The following KHDRBS2 variants were observed in gnomAD, a reference collection of about 807,000 sequenced individuals.
KHDRBS2 encodes the protein KH domain-containing, RNA-binding, signal transduction-associated protein 2.
A neutral mutation model predicts 44.3 loss-of-function variants in KHDRBS2; 26 were observed. The ratio of observed to expected loss-of-function variants is 0.59; its 90% CI spans 0.43 to 0.81. The LOEUF is 0.81. KHDRBS2 is among the 40% of genes least tolerant of loss of function. The probability of loss-of-function intolerance (pLI) is 0.00; values close to 1 mark genes in which losing one functional copy is unlikely to be tolerated. For synonymous variants in KHDRBS2, 194 were observed against 151.1 expected (o/e 1.28, Z -2.08); for missense variants, 476 against 433.1 (o/e 1.10, Z -0.88).
chr6:62,259,254 A>G (rs905495501), intron 1 of KHDRBS2, among the ~76,000 whole-genome samples: 2 of 151,234 alleles, frequency 1.3e-5, no homozygotes, highest in Non-Finnish European at 2.9e-5. Flanking sequence ...AACTTTAGGT[A>G]TATACATTCC....
chr6:62,232,315 A>G (rs1244252097), intron 1 of KHDRBS2, among the ~76,000 whole-genome samples: 1 of 152,176 alleles, frequency 6.6e-6, no homozygotes, highest in East Asian at 1.9e-4. Flanking sequence ...TAGTCACTTA[A>G]TAAATAATTA....
chr6:61,932,977 A>C (rs188853499), intron 4 of KHDRBS2, among the ~76,000 whole-genome samples: 3 of 152,174 alleles, frequency 2.0e-5, no homozygotes, highest in Admixed American at 2.0e-4. Context: ...CCATTCATCT[A>C]TTGATAGACA....
intron 6 of KHDRBS2, among the ~76,000 whole-genome samples, chr6:61,889,524 C>A (rs1032463044): frequency 7.3e-6 from 1 of 136,892 alleles, no homozygotes; most frequent in African/African-American, 2.7e-5. Context: ...TTTCCATCAT[C>A]AAATCTTAAC....
chr6:61,695,309 T>G (rs1403009150), intron 8 of KHDRBS2, among the ~76,000 whole-genome samples: 1 of 152,164 alleles, frequency 6.6e-6, no homozygotes, highest in Non-Finnish European at 1.5e-5. Flanking sequence ...ATTGTTGAAC[T>G]GAGGCAAGGT....
At chr6:62,027,918 T>A (rs1405926747) in intron 3 of KHDRBS2, among the ~76,000 whole-genome samples, 1 of 152,104 alleles carries the variant, frequency 6.6e-6, no homozygotes, top group South Asian at 2.1e-4. Context: ...CTGAGTTCTG[T>A]GAGCCAGTCT....
intron 6 of KHDRBS2, among the ~76,000 whole-genome samples, chr6:61,782,034 C>CT (rs915189045): frequency 1.2e-4 from 18 of 151,968 alleles, no homozygotes; most frequent in African/African-American, 4.4e-4. Context: ...TGTTTCTTGG[C>CT]TTTTGGGGGG....
At chr6:62,027,871 A>C (rs1584246078) in intron 3 of KHDRBS2, among the ~76,000 whole-genome samples, 2 of 152,110 alleles carry the variant, frequency 1.3e-5, no homozygotes, top group African/African-American at 2.4e-5. Flanking sequence ...TTACCCTTTT[A>C]TAACAAACCA....
At position 61,948,654 on chromosome 6, in the gene KHDRBS2, CATTATTATTATTATTATT is replaced by C. The variant is rs145017316; in HGVS notation, c.483+29394_483+29411del. On this transcript the variant is annotated intron_variant, in intron 4 of 8. Coordinates refer to ENST00000281156, the MANE Select transcript of KHDRBS2 (RefSeq NM_152688.4). ...TGTGTTGATAAGCACTATATTCTCACATTATTATTATTATTATTATTATTATTATTATTATTATTTTAG... is the reference window on the plus strand; with the variant it reads ...TGTGTTGATAAGCACTATATTCTCACATTATTATTATTATTATTATTTTAG... Among the ~76,000 whole-genome samples, 28 of 141,600 alleles carry C rather than the reference CATTATTATTATTATTATT, an allele frequency of 2.0e-4. No individual in the cohort carries two copies. The Admixed American group carries it at 2.0e-3, about 10-fold the overall frequency. 92.9% of individuals were successfully genotyped at this position (141,600 alleles called of 152,430 possible).
intron 8 of KHDRBS2, among the ~76,000 whole-genome samples, chr6:61,683,787 T>C (rs9350974): frequency 0.36 from 54,813 of 151,702 alleles, 10,583 homozygotes; most frequent in East Asian, 0.48. Context: ...TCTGCTTCTA[T>C]GTGAATTAAT....
In KHDRBS2 at chr6:61,693,071, G is replaced by A. The variant is rs527910020; in HGVS notation, c.952+4124C>T. On this transcript the variant is annotated intron_variant, in intron 8 of 8. Coordinates refer to ENST00000281156, the MANE Select transcript of KHDRBS2 (RefSeq NM_152688.4). ...CTGGAGATATGAGATTTATATTTTG[G>A]AATAACTATTATTGATTTAAAATAT... Among the ~76,000 whole-genome samples, 122 of 152,002 alleles carry A rather than the reference G, an allele frequency of 8.0e-4. 1 individual carries two copies. The highest frequency in any genetic ancestry group is 2.8e-3 in the African/African-American group (117 of 41,456).
At chr6:62,277,349 GTT>G (rs953728188) in intron 1 of KHDRBS2, among the ~76,000 whole-genome samples, 30 of 151,692 alleles carry the variant, frequency 2.0e-4, no homozygotes. Flanking sequence ...GTTTTGTTTT[GTT>G]TTGTTTTTGA....
chr6:62,034,693 GAAAAAAAA>G (rs1171214560), intron 3 of KHDRBS2, among the ~76,000 whole-genome samples: 1 of 60,756 alleles, frequency 1.6e-5, no homozygotes, highest in African/African-American at 6.5e-5. Context: ...ATTCTGAACA[GAAAAAAAA>G]AAAAAAAAAA....
intron 2 of KHDRBS2, among the ~76,000 whole-genome samples, chr6:62,095,929 G>A (rs1485018003): frequency 6.6e-6 from 1 of 151,814 alleles, no homozygotes; most frequent in East Asian, 1.9e-4. Flanking sequence ...TATCATAAAG[G>A]GATGTGGAAT....
intron 2 of KHDRBS2, among the ~76,000 whole-genome samples, chr6:62,062,332 T>C (rs1168038100): frequency 7.0e-6 from 1 of 142,962 alleles, no homozygotes; most frequent in Non-Finnish European, 1.5e-5. Context: ...TACATTTTTT[T>C]CAGCACCACA....
intron 2 of KHDRBS2, among the ~76,000 whole-genome samples, chr6:62,131,461 C>T (rs1255782698): frequency 4.6e-5 from 7 of 152,164 alleles, no homozygotes; most frequent in African/African-American, 1.7e-4. Context: ...GTGAAGCTAG[C>T]AGCATCAAGC....
downstream of KHDRBS2, among the ~76,000 whole-genome samples, chr6:61,677,958 C>G (rs1383110369): frequency 1.3e-5 from 2 of 151,886 alleles, no homozygotes; most frequent in African/African-American, 4.8e-5. Context: ...TAAGGAATCT[C>G]CAGGCTCTCT....
In KHDRBS2 at chr6:61,833,434, T is replaced by G. The variant is rs555293280; in HGVS notation, c.810+61201A>C. On this transcript the variant is annotated intron_variant, in intron 6 of 8. Coordinates refer to ENST00000281156, the MANE Select transcript of KHDRBS2 (RefSeq NM_152688.4). ...TGAAACTGCTATTTCATTCACACAT[T>G]CTGGAAGAGTTTCTTTTCCTATATA... 1.9e-3 allele frequency among the ~76,000 whole-genome samples: 291 copies of G among 152,336 alleles called. 1 individual carries two copies. The highest frequency in any genetic ancestry group is 6.8e-3 in the African/African-American group (281 of 41,586).
intron 4 of KHDRBS2, among the ~76,000 whole-genome samples, chr6:61,905,854 CTTTTTTT>C (rs10676797): frequency 8.8e-6 from 1 of 114,176 alleles, no homozygotes; most frequent in African/African-American, 3.4e-5. Flanking sequence ...CAAAACTTTT[CTTTTTTT>C]TTTTTTTTTT....
intron 2 of KHDRBS2, among the ~76,000 whole-genome samples, chr6:62,051,370 T>C (rs1353828571): frequency 6.6e-6 from 1 of 152,082 alleles, no homozygotes; most frequent in Non-Finnish European, 1.5e-5. Flanking sequence ...TTTTGGGTTA[T>C]TTTTTGCATA....
Sources: allele counts gnomAD v4.1 joint callset (sites outside exome capture counted in the v4.1 genomes callset), GRCh38; gene constraint gnomAD v4.1.1; transcripts MANE v1.5; gene names NCBI Gene and HGNC (gene_info 2026-07-23, HGNC 2026-07-21).